The following CEP63 variants were observed in gnomAD, a reference collection of about 807,000 sequenced individuals.
CEP63 encodes the protein centrosomal protein of 63 kDa.
CEP63 carries 84 observed loss-of-function variants against 89.1 expected under a neutral mutation model. The observed-to-expected ratio is 0.94, with a 90% CI of 0.79 to 1.13. The LOEUF is 1.13. CEP63 is among the 50% of genes most tolerant of loss of function. CEP63 has a pLI of 0.00. For synonymous variants in CEP63, 267 were observed against 272.5 expected (o/e 0.98, Z 0.20); for missense variants, 838 against 813.3 (o/e 1.03, Z -0.37).
downstream of CEP63, among the ~76,000 whole-genome samples, chr3:134,589,827 G>T (rs570006909): frequency 6.6e-6 from 1 of 152,232 alleles, no homozygotes; most frequent in East Asian, 1.9e-4. Context: ...ATTCACAATA[G>T]CAAAGGCATG....
the CEP63 span, among the ~76,000 whole-genome samples, chr3:134,661,871 G>A: frequency 7.2e-5 from 11 of 151,972 alleles, no homozygotes; most frequent in Non-Finnish European, 1.5e-4. Flanking sequence ...AAGAGGTGGA[G>A]GCTTTGGGAA....
At position 134,547,273 on chromosome 3, in the gene CEP63, A is replaced by G. The variant is rs1035732660; in HGVS notation, c.930-62A>G. The G allele has an allele frequency of 1.1e-5, 16 of 1,486,424 alleles. No homozygotes were observed. The African/African-American group carries it at 1.4e-4, about 13-fold the overall frequency. 92.1% of individuals were successfully genotyped at this position (1,486,424 alleles called of 1,614,324 possible). On this transcript the variant is annotated intron_variant, in intron 8 of 14. Coordinates refer to ENST00000675561, the MANE Select transcript of CEP63 (RefSeq NM_001353108.3). ...AAAATGATGGGGAAACACAGACTAG[A>G]TGAGCATTATTTTTGTTTGCAGAGA...
the CEP63 span, among the ~76,000 whole-genome samples, chr3:134,672,159 T>C: frequency 6.6e-6 from 1 of 152,222 alleles, no homozygotes; most frequent in Non-Finnish European, 1.5e-5. Context: ...TCAGATTGAA[T>C]TCATACTATC....
At chr3:134,742,158 A>C in the CEP63 span, among the ~76,000 whole-genome samples, 2 of 152,176 alleles carry the variant, frequency 1.3e-5, no homozygotes, top group South Asian at 4.1e-4. Context: ...GATTCTGCTC[A>C]TGGGAAGAGG....
At chr3:134,559,111 C>A in intron 13 of CEP63, 39 bp from the exon 14 acceptor site, 1 of 1,608,770 alleles carries the variant, frequency 6.2e-7, no homozygotes, top group East Asian at 2.2e-5. Flanking sequence ...AAAGTTGCTA[C>A]AATTTTTTAT....
the CEP63 span, among the ~76,000 whole-genome samples, chr3:134,771,129 T>G: frequency 6.6e-6 from 1 of 152,168 alleles, no homozygotes; most frequent in East Asian, 1.9e-4. Context: ...AGGTTCTCAG[T>G]GCAGGGCAAC....
At chr3:134,610,294 T>C in the CEP63 span, 1 of 1,613,470 alleles carries the variant, frequency 6.2e-7, no homozygotes, top group Non-Finnish European at 8.5e-7. Context: ...ATTCCAGGCA[T>C]GGTCAAACTC....
intron 1 of CEP63, among the ~76,000 whole-genome samples, chr3:134,492,467 A>G (rs1226026480): frequency 1.0e-5 from 1 of 97,162 alleles, no homozygotes; most frequent in Non-Finnish European, 2.2e-5. Flanking sequence ...CTGAGAATTG[A>G]TGGTGTTTGG....
the CEP63 span, among the ~76,000 whole-genome samples, chr3:134,628,917 G>T: frequency 2.0e-5 from 3 of 152,228 alleles, no homozygotes; most frequent in African/African-American, 7.2e-5. Flanking sequence ...GGACCAGACA[G>T]TTTTGGAGGA....
At chr3:134,501,836 G>T (rs1052442743) in intron 2 of CEP63, among the ~76,000 whole-genome samples, 2 of 151,978 alleles carry the variant, frequency 1.3e-5, no homozygotes, top group Non-Finnish European at 2.9e-5. Flanking sequence ...CTCTTGCCTG[G>T]TTGCTCTGGC....
chr3:134,700,964 T>C, the CEP63 span, among the ~76,000 whole-genome samples: 3 of 152,106 alleles, frequency 2.0e-5, no homozygotes, highest in South Asian at 4.1e-4. Flanking sequence ...ATTTCGCTCA[T>C]GCATCTTGTT....
intron 11 of CEP63, among the ~76,000 whole-genome samples, chr3:134,572,204 T>G (rs2110287130): frequency 6.6e-6 from 1 of 152,366 alleles, no homozygotes; most frequent in East Asian, 1.9e-4. Context: ...GAGGCAGTAT[T>G]TGTGCTTAAT....
the CEP63 span, among the ~76,000 whole-genome samples, chr3:134,658,606 A>G: frequency 1.9e-4 from 29 of 152,334 alleles, no homozygotes; most frequent in African/African-American, 7.0e-4. Flanking sequence ...GCAAGCTGAG[A>G]CTTCTTCCTT....
downstream of CEP63, among the ~76,000 whole-genome samples, chr3:134,591,174 A>C (rs528370036): frequency 6.6e-6 from 1 of 152,304 alleles, no homozygotes; most frequent in South Asian, 2.1e-4. Flanking sequence ...TGTAGGTAGG[A>C]AATTATTCTG....
At chr3:134,577,282 T>C (rs1261032155), downstream of CEP63, among the ~76,000 whole-genome samples, 2 of 152,122 alleles carry the variant, frequency 1.3e-5, no homozygotes, top group African/African-American at 4.8e-5. Flanking sequence ...ATTGTGACCC[T>C]GGGTTAGGCA....
intron 13 of CEP63, among the ~76,000 whole-genome samples, chr3:134,558,807 C>T (rs1956771314): frequency 6.6e-6 from 1 of 152,190 alleles, no homozygotes; most frequent in Non-Finnish European, 1.5e-5. Context: ...CTGACACCCT[C>T]ACCTCCACTC....
chr3:134,534,743 A>G (rs1020129204), intron 5 of CEP63, among the ~76,000 whole-genome samples: 1 of 152,136 alleles, frequency 6.6e-6, no homozygotes, highest in African/African-American at 2.4e-5. Context: ...ATTCATGGTC[A>G]CTAACCTCAA....
chr3:134,767,577 G>A, the CEP63 span, among the ~76,000 whole-genome samples: 158 of 152,224 alleles, frequency 1.0e-3, no homozygotes, highest in Non-Finnish European at 1.9e-3. Flanking sequence ...TAGCTGTTTC[G>A]CAAGGAGCCC....
Position 134,564,450 on chromosome 3 carries a change from C to G in CEP63, c.*2915C>G, listed in dbSNP as rs990178431. 1 of 985,368 alleles carries G rather than the reference C, an allele frequency of 1.0e-6. No homozygotes were observed. The highest frequency in any genetic ancestry group is 1.2e-6 in the Non-Finnish European group (1 of 829,960). The allele number at this position is 985,368 out of a possible 1,614,324, so 61.0% of individuals were successfully genotyped here. ...TTCTCCTCATTGCTGTCATGGCACC[C>G]TGTGTGTGGCTCTGACCAGACTTTG... On this transcript the variant is annotated 3_prime_UTR_variant, in exon 15 of 15. Coordinates refer to ENST00000675561, the MANE Select transcript of CEP63 (RefSeq NM_001353108.3).
Sources: gnomAD v4.1 joint callset for allele counts (sites outside exome capture counted in the v4.1 genomes callset) on GRCh38, gnomAD v4.1.1 for gene constraint, MANE v1.5 for transcripts, NCBI Gene and HGNC (gene_info 2026-07-23, HGNC 2026-07-21) for gene names.